The following AHNAK2 variants were observed in gnomAD, a reference collection of about 807,000 sequenced individuals.
The protein encoded by AHNAK2 is AHNAK nucleoprotein 2, also known as protein AHNAK2.
In AHNAK2, 18 loss-of-function variants were observed where a neutral mutation model predicts 30.7. That is an observed-to-expected ratio of 0.59 (90% CI 0.41 to 0.87). The LOEUF is 0.87. Ranked by LOEUF, AHNAK2 falls within the 40% of genes least tolerant of loss-of-function variation. The pLI is 0.00. For synonymous variants in AHNAK2, 3,590 were observed against 3,073.8 expected, an observed-to-expected ratio of 1.17 and a Z score of -5.56; for missense variants, 8,604 against 7,373.0, an observed-to-expected ratio of 1.17 and a Z score of -6.11.
intron 1 of AHNAK2, among the ~76,000 whole-genome samples, chr14:104,958,651 A>G (rs773613475): frequency 3.9e-5 from 6 of 152,202 alleles, no homozygotes; most frequent in Non-Finnish European, 8.8e-5. Flanking sequence ...AGAATTATCA[A>G]CTTGTAGATT....
chr14:104,947,636 G>A lies in AHNAK2; in HGVS notation c.7815C>T (p.Pro2605=), dbSNP rs374259207. The change falls in exon 7 of 7, where the codon CCC becomes CCT. Residue 2605 remains proline (P), a synonymous_variant. Coordinates refer to ENST00000333244, the MANE Select transcript of AHNAK2 (RefSeq NM_138420.4). ...TGCTGGACAGAGACATCTCCACATC[G>A]GGGGCTGTCACTTCCGCCTTGGGGC... The part of the protein sequence containing the change: ...LKGPKAEVTA[P]DVEMSLSSME... 2.4e-5 allele frequency: 39 copies of A among 1,612,934 alleles called. No individual in the cohort carries two copies. Among genetic ancestry groups the A allele is most frequent in the South Asian group, 1.9e-4 (17 of 91,052 alleles).
At chr14:104,959,653 T>A (rs1398173888) in intron 1 of AHNAK2, among the ~76,000 whole-genome samples, 1 of 151,996 alleles carries the variant, frequency 6.6e-6, no homozygotes, top group African/African-American at 2.4e-5. Flanking sequence ...AAATTTAAAT[T>A]TTAAAAAAAG....
chr14:104,943,466 C>T lies in AHNAK2; in HGVS notation c.11985G>A (p.Ala3995=), dbSNP rs771978711. Residue 3995 remains alanine (A), a synonymous_variant, in exon 7 of 7, where the codon GCG becomes GCA. Transcript: ENST00000333244. ...GGCTCACGTCGGCCTCCACCTTTGGCGCGGTCACATCCACTGATGCCTCCA... is the reference window on the plus strand; with the variant it reads ...GGCTCACGTCGGCCTCCACCTTTGGTGCGGTCACATCCACTGATGCCTCCA... The part of the protein sequence containing the change: ...KSMEASVDVT[A]PKVEADVSLP... 3.1e-5 allele frequency: 50 copies of T among 1,612,410 alleles called. No homozygotes were observed. The highest frequency in any genetic ancestry group is 4.0e-5 in the African/African-American group (3 of 74,534).
In AHNAK2 at chr14:104,952,071, G is replaced by T. The variant is rs373012940; in HGVS notation, c.3380C>A (p.Pro1127His). The T allele has an allele frequency of 2.5e-6, 4 of 1,612,602 alleles. No individual in the cohort carries two copies. Among genetic ancestry groups the T allele is most frequent in the Non-Finnish European group, 3.4e-6 (4 of 1,179,534 alleles). Residue 1127 changes from proline to histidine, a missense_variant, in exon 7 of 7, where the codon CCC becomes CAC. Transcript: ENST00000333244. ...VTAPDVEVSL[P>H]SVEVDVEAPG... ...GGCCTCGACGTCCACCTCCACGCTGGGCAGAGACACCTCCACATCAGGGGC... is the reference window on the plus strand; with the variant it reads ...GGCCTCGACGTCCACCTCCACGCTGTGCAGAGACACCTCCACATCAGGGGC...
At chr14:104,976,005 G>A (rs892421118) in intron 1 of AHNAK2, among the ~76,000 whole-genome samples, 4 of 152,124 alleles carry the variant, frequency 2.6e-5, no homozygotes, top group Non-Finnish European at 4.4e-5. Flanking sequence ...ACACATCTTC[G>A]CATGGTATCA....
rs750448737 is a variant in AHNAK2, at chr14:104,949,702, G to T, written c.5749C>A (p.Pro1917Thr). 2 of 1,586,878 alleles carry T rather than the reference G, an allele frequency of 1.3e-6. No individual in the cohort carries two copies. The highest frequency in any genetic ancestry group is 1.4e-5 in the African/African-American group (1 of 72,450). Residue 1917 changes from proline (P) to threonine (T), a missense_variant, in exon 7 of 7, where the codon CCC becomes ACC. Transcript: ENST00000333244. Reference sequence around the variant, plus strand: ...TGGGGGCCCTTGAGGTCCACTTTGGGCATCTTGAAACTGGGCATATCCACC... The same window carrying T: ...TGGGGGCCCTTGAGGTCCACTTTGGTCATCTTGAAACTGGGCATATCCACC... ...PKVDMPSFKM[P>T]KVDLKGPQTD...
In AHNAK2 at chr14:104,952,071, G is replaced by C; in HGVS notation, c.3380C>G (p.Pro1127Arg). 1 of 1,612,602 alleles carries C rather than the reference G, an allele frequency of 6.2e-7. No homozygotes were observed. Residue 1127 changes from proline (P) to arginine (R), a missense_variant, in exon 7 of 7, where the codon CCC becomes CGC. Transcript: ENST00000333244. ...VTAPDVEVSL[P>R]SVEVDVEAPG... ...GGCCTCGACGTCCACCTCCACGCTG[G>C]GCAGAGACACCTCCACATCAGGGGC...
rs1232234139 is a variant in AHNAK2, at chr14:104,941,684, C to G, written c.13767G>C (p.Val4589=). The change falls in exon 7 of 7, where the codon GTG becomes GTC. Residue 4589 remains valine, a synonymous_variant. Coordinates refer to ENST00000333244, the MANE Select transcript of AHNAK2 (RefSeq NM_138420.4). ...CATCCGTCTCCACGCTGGGCAGAGA[C>G]ACCTCCACATCGGGGGCCATCACCT... ...KAEVMAPDVE[V]SLPSVETDVQ... 1 of 1,613,580 alleles carries G rather than the reference C, an allele frequency of 6.2e-7. No individual in the cohort carries two copies. The highest frequency in any genetic ancestry group is 1.3e-5 in the African/African-American group (1 of 74,876).
Position 104,946,265 on chromosome 14 carries a change from G to C in AHNAK2, c.9186C>G (p.Pro3062=), listed in dbSNP as rs769452472. ...TCTTGAAACTGGGCATCTGCAACTTGGGCAGGTGCCCTTTGAGGCCAGCTC... is the reference window on the plus strand; with the variant it reads ...TCTTGAAACTGGGCATCTGCAACTTCGGCAGGTGCCCTTTGAGGCCAGCTC... ...PEGAGLKGHL[P]KLQMPSFKMP... The change falls in exon 7 of 7, where the codon CCC becomes CCG. Residue 3062 remains proline (P), a synonymous_variant. Transcript: ENST00000333244. 18 of 1,609,906 alleles carry C rather than the reference G, an allele frequency of 1.1e-5. No homozygotes were observed. The highest frequency in any genetic ancestry group is 2.7e-5 in the African/African-American group (2 of 73,882).
chr14:104,953,230 C>T lies in AHNAK2; in HGVS notation c.2221G>A (p.Val741Met). 1 of 1,613,140 alleles carries T rather than the reference C, an allele frequency of 6.2e-7. No homozygotes were observed. The highest frequency in any genetic ancestry group is 8.5e-7 in the Non-Finnish European group (1 of 1,179,698). The change falls in exon 7 of 7, where the codon GTG (valine) becomes ATG (methionine). Residue 741 changes from valine (V) to methionine (M), a missense_variant. Coordinates refer to ENST00000333244, the MANE Select transcript of AHNAK2 (RefSeq NM_138420.4). ...GGCAGGGGGCCCTCCGGAAGTTTCA[C>T]ATCCACTTGGCCATCCTGGACCTCC... ...DLEVQDGQVD[V>M]KLPEGPLPEG... is the part of the protein sequence containing the mutation.
At chr14:104,956,903 C>T (rs1316860325) in intron 3 of AHNAK2, among the ~76,000 whole-genome samples, 1 of 152,178 alleles carries the variant, frequency 6.6e-6, no homozygotes, top group Non-Finnish European at 1.5e-5. Flanking sequence ...GCCCAGCCTA[C>T]AGCCCACAGC....
Position 104,946,175 on chromosome 14 carries a change from G to A in AHNAK2, c.9276C>T (p.Gly3092=), listed in dbSNP as rs1428814937. Residue 3092 remains glycine (G), a synonymous_variant, in exon 7 of 7, where the codon GGC becomes GGT. Transcript: ENST00000333244. ...DVKGPKLDLK[G]PKTDVTAPDV... The stretch of plus-strand genomic sequence containing the variant: ...CGGGGGCCGTCACGTCCGTCTTCGG[G>A]CCTTTCAGGTCCAGCTTGGGGCCCT... 1.2e-6 allele frequency: 2 copies of A among 1,611,162 alleles called. No homozygotes were observed. The highest frequency in any genetic ancestry group is 1.7e-6 in the Non-Finnish European group (2 of 1,179,088).
rs74090138 is a variant in AHNAK2 at position 104,966,161 on chromosome 14, G to T, written c.56-8489C>A. On this transcript the variant is annotated intron_variant, in intron 1 of 6. Coordinates refer to ENST00000333244, the MANE Select transcript of AHNAK2 (RefSeq NM_138420.4). This position sits in a 1 kb window ranked among gnomAD's most constrained non-coding sequence, Gnocchi z 4.3. ...AAGCGAAGGAAGAGAAGGGCAGGAGGTGAGGGCAGGCAGGGCTGGGTCAGT... is the reference window on the plus strand; with the variant it reads ...AAGCGAAGGAAGAGAAGGGCAGGAGTTGAGGGCAGGCAGGGCTGGGTCAGT... 0.02 allele frequency among the ~76,000 whole-genome samples: 3,117 copies of T among 152,252 alleles called. 101 individuals are homozygous for T. Among genetic ancestry groups the T allele is most frequent in the African/African-American group, 0.068 (2,836 of 41,538 alleles).
Position 104,953,689 on chromosome 14 carries a change from G to T in AHNAK2, c.1762C>A (p.Pro588Thr). The T allele has an allele frequency of 6.2e-7, 1 of 1,613,896 alleles. No individual in the cohort carries two copies. The highest frequency in any genetic ancestry group is 1.1e-5 in the South Asian group (1 of 91,076). Residue 588 changes from proline (P) to threonine (T), a missense_variant, in exon 7 of 7, where the codon CCC becomes ACC. Transcript: ENST00000333244. ...GQIRMPKFKI[P>T]SLGWSPSKHT... ...TTGCTTGGCGACCATCCTAAGGAGG[G>T]TATCTTGAACTTGGGCATTCTTATC... is the stretch of plus-strand genomic sequence containing the variant.
chr14:104,950,012 G>T lies in AHNAK2; in HGVS notation c.5439C>A (p.Asp1813Glu). 1 of 1,587,162 alleles carries T rather than the reference G, an allele frequency of 6.3e-7. No homozygotes were observed. Among genetic ancestry groups the T allele is most frequent in the African/African-American group, 1.4e-5 (1 of 71,748 alleles). The change falls in exon 7 of 7, where the codon GAC becomes GAA. Residue 1813 changes from aspartate (D) to glutamate (E), a missense_variant. Coordinates refer to ENST00000333244, the MANE Select transcript of AHNAK2 (RefSeq NM_138420.4). ...VRLEGDLSLA[D>E]KDVTAKDSKF... ...TGCTGTCTTTGGCAGTCACATCCTT[G>T]TCGGCCAGGGACAGGTCACCCTCCA...
At position 104,956,741 on chromosome 14, in the gene AHNAK2, G is replaced by C. The variant is rs1352964995; in HGVS notation, c.214-52C>G. 7.0e-6 allele frequency: 11 copies of C among 1,563,896 alleles called. No individual in the cohort carries two copies. In the East Asian group the frequency reaches 2.2e-4, roughly 32 times the overall value. On this transcript the variant is annotated intron_variant, in intron 3 of 6. Transcript: ENST00000333244. ...GCACCTGCCCCAGCTCAGGGACAGG[G>C]AGGGGCACAGGTAGGCTGGTGCCAG... is the stretch of plus-strand genomic sequence containing the variant.
rs763247039 is a variant in AHNAK2, at chr14:104,949,337, A to G, written c.6114T>C (p.Ile2038=). The G allele has an allele frequency of 1.3e-6, 2 of 1,531,988 alleles. No individual in the cohort carries two copies. Among genetic ancestry groups the G allele is most frequent in the South Asian group, 1.1e-5 (1 of 87,276 alleles). The allele number at this position is 1,531,988 out of a possible 1,614,324, so 94.9% of individuals were successfully genotyped here. A position where few individuals can be genotyped will look rare whatever the true frequency, so the allele number is the denominator to read the frequency against. The change falls in exon 7 of 7, where the codon ATT becomes ATC. Residue 2038 remains isoleucine (I), a synonymous_variant. Coordinates refer to ENST00000333244, the MANE Select transcript of AHNAK2 (RefSeq NM_138420.4). ...CCTTCAGGTCGGCAGAAGGGGGCTGAATGCTGAGGTCAGTGGTCTTCAGGT... is the reference window on the plus strand; with the variant it reads ...CCTTCAGGTCGGCAGAAGGGGGCTGGATGCTGAGGTCAGTGGTCTTCAGGT... ...QGDLKTTDLS[I]QPPSADLKVQ...
chr14:104,962,604 T>C (rs1899179929), intron 1 of AHNAK2, among the ~76,000 whole-genome samples: 1 of 152,144 alleles, frequency 6.6e-6, no homozygotes, highest in Non-Finnish European at 1.5e-5. Context: ...TTTTTTTTTT[T>C]TTGGTACTTT....
At position 104,946,568 on chromosome 14, in the gene AHNAK2, C is replaced by G; in HGVS notation, c.8883G>C (p.Glu2961Asp). Reference protein sequence around the residue: ...PRAKLDGARLEGDLSLADKDV... With the variant: ...PRAKLDGARLDGDLSLADKDV... ...CCTTGTCGGCCAGGGACAGGTCACCCTCCAGCCGTGCACCATCCAGCTTTG... is the reference window on the plus strand; with the variant it reads ...CCTTGTCGGCCAGGGACAGGTCACCGTCCAGCCGTGCACCATCCAGCTTTG... The change falls in exon 7 of 7, where the codon GAG (glutamate) becomes GAC (aspartate). Residue 2961 changes from glutamate to aspartate, a missense_variant. Transcript: ENST00000333244. 6.2e-7 allele frequency: 1 copy of G among 1,613,066 alleles called. No homozygotes were observed. Among genetic ancestry groups the G allele is most frequent in the Non-Finnish European group, 8.5e-7 (1 of 1,179,730 alleles).
Sources: gnomAD v4.1 joint callset for allele counts (sites outside exome capture counted in the v4.1 genomes callset) on GRCh38, gnomAD v4.1.1 for gene constraint, Gnocchi (gnomAD v3.1) non-coding constraint, MANE v1.5 for transcripts, NCBI Gene and HGNC (gene_info 2026-07-23, HGNC 2026-07-21) for gene names.